TSPAN1: variants seen among roughly 807,000 people sequenced by gnomAD.
TSPAN1 encodes the protein tetraspanin-1.
TSPAN1 carries 23 observed loss-of-function variants against 26.9 expected under a neutral mutation model. The observed-to-expected ratio is 0.85, with a 90% CI of 0.62 to 1.21. The LOEUF (loss-of-function observed/expected upper bound fraction) is 1.21, where lower values mean the gene tolerates loss of function less well. TSPAN1 is among the 50% of genes most tolerant of loss of function. TSPAN1 has a pLI of 0.00. For synonymous variants in TSPAN1, 115 were observed against 114.8 expected, an observed-to-expected ratio of 1.00 and a Z score of -0.01; for missense variants, 283 against 298.4, an observed-to-expected ratio of 0.95 and a Z score of 0.38.
chr1:46,183,238 A>T (rs2148144648), intron 3 of TSPAN1, among the ~76,000 whole-genome samples: 1 of 152,292 alleles, frequency 6.6e-6, no homozygotes, highest in African/African-American at 2.4e-5. Context: ...TGTTACCCAG[A>T]CCTTGCCAGG....
the TSPAN1 span, chr1:46,192,418 C>T: frequency 1.4e-5 from 23 of 1,614,210 alleles, no homozygotes; most frequent in Non-Finnish European, 1.9e-5. Context: ...GCTGGGTCCT[C>T]AGCCGTGTGT....
intron 3 of TSPAN1, chr1:46,183,363 A>G (rs1419698933): frequency 1.3e-5 from 2 of 152,216 alleles, no homozygotes; most frequent in Non-Finnish European, 2.9e-5. Flanking sequence ...ACAATCTGCC[A>G]CCTCACTTCC....
intron 1 of TSPAN1, among the ~76,000 whole-genome samples, chr1:46,176,019 T>A (rs974355251): frequency 6.6e-6 from 1 of 152,088 alleles, no homozygotes; most frequent in South Asian, 2.1e-4. Context: ...ACTAAAGGCG[T>A]GTGCCACCAC....
At chr1:46,182,704 T>C (rs901787297) in intron 3 of TSPAN1, among the ~76,000 whole-genome samples, 1 of 152,122 alleles carries the variant, frequency 6.6e-6, no homozygotes, top group Non-Finnish European at 1.5e-5. Flanking sequence ...AGTTTATGTA[T>C]GTATTGATTA....
intron 1 of TSPAN1, among the ~76,000 whole-genome samples, chr1:46,178,018 A>G (rs909060418): frequency 1.3e-5 from 2 of 152,222 alleles, no homozygotes; most frequent in East Asian, 3.8e-4. Context: ...GCCAAGCACC[A>G]GGGCCATAGA....
At chr1:46,186,827 TAATTTTTTG>T (rs963853858), downstream of TSPAN1, among the ~76,000 whole-genome samples, 3 of 151,950 alleles carry the variant, frequency 2.0e-5, no homozygotes, top group Non-Finnish European at 2.9e-5. Context: ...CTCGCCCGGG[TAATTTTTTG>T]AATTTTTAGT....
rs542554576 is a variant in TSPAN1, at chr1:46,185,740, G to A, written c.*207G>A. 70 of 623,248 alleles carry A rather than the reference G, an allele frequency of 1.1e-4. No individual in the cohort carries two copies. Among genetic ancestry groups the A allele is most frequent in the Non-Finnish European group, 1.5e-4 (53 of 355,398 alleles). The allele number at this position is 623,248 out of a possible 1,614,324, so 38.6% of individuals were successfully genotyped here. On this transcript the variant is annotated 3_prime_UTR_variant, in exon 9 of 9. Coordinates refer to ENST00000372003, the MANE Select transcript of TSPAN1 (RefSeq NM_005727.4). ...CTTTCCTTCCATTGGTGGGTGGATGGGTGGGGGGCATTCCAGAGCCTCTAA... is the reference window on the plus strand; with the variant it reads ...CTTTCCTTCCATTGGTGGGTGGATGAGTGGGGGGCATTCCAGAGCCTCTAA...
intron 4 of TSPAN1, 72 bp from the exon 5 acceptor site, chr1:46,184,522 G>A (rs530889600): frequency 5.0e-6 from 8 of 1,605,708 alleles, no homozygotes; most frequent in Admixed American, 1.7e-5. Flanking sequence ...ACTTTTCCGG[G>A]GGGGGGATTA....
the TSPAN1 span, chr1:46,195,789 G>T: frequency 1.9e-6 from 3 of 1,562,510 alleles, no homozygotes; most frequent in South Asian, 3.5e-5. Flanking sequence ...GTAGGGGTCA[G>T]GGTCAGGACA....
At chr1:46,184,936 C>T (rs1328184407) in intron 6 of TSPAN1, 24 bp from the exon 7 acceptor site, 7 of 1,614,180 alleles carry the variant, frequency 4.3e-6, no homozygotes, top group Non-Finnish European at 3.4e-6. Context: ...CAAGGCCCCA[C>T]CTCCACCCTC....
chr1:46,185,010 C>T lies in TSPAN1; in HGVS notation c.489C>T (p.Tyr163=). The T allele has an allele frequency of 6.2e-7, 1 of 1,614,200 alleles. No homozygotes were observed. The highest frequency in any genetic ancestry group is 8.5e-7 in the Non-Finnish European group (1 of 1,180,046). ...TNYTDFEDSP[Y]FKENSAFPPF... is the part of the protein sequence containing the mutation. ...ATACGGATTTTGAGGACTCACCCTA[C>T]TTCAAAGAGAACAGTGCCTTTCCCC... Residue 163 remains tyrosine, a synonymous_variant, in exon 7 of 9, where the codon TAC becomes TAT. Transcript: ENST00000372003.
chr1:46,176,065 T>A (rs546064720), intron 1 of TSPAN1, among the ~76,000 whole-genome samples: 2 of 152,120 alleles, frequency 1.3e-5, no homozygotes, highest in Non-Finnish European at 2.9e-5. Flanking sequence ...TTAGTAGAGA[T>A]GGGATTTCAC....
chr1:46,176,895 G>A (rs1236723090), intron 1 of TSPAN1, among the ~76,000 whole-genome samples: 1 of 152,172 alleles, frequency 6.6e-6, no homozygotes, highest in African/African-American at 2.4e-5. Flanking sequence ...ATTATTCCCA[G>A]TAATGTTCTA....
intron 1 of TSPAN1, among the ~76,000 whole-genome samples, chr1:46,180,300 G>A (rs1019845072): frequency 2.0e-5 from 3 of 152,222 alleles, no homozygotes; most frequent in African/African-American, 7.2e-5. Context: ...AGGGCACGCA[G>A]ACATTCTGGG....
At chr1:46,189,695 T>TA, downstream of TSPAN1, 1 of 1,548,490 alleles carries the variant, frequency 6.5e-7, no homozygotes, top group Non-Finnish European at 8.7e-7. Context: ...TAGCATCTTT[T>TA]AGAATATGAA....
At position 46,181,197 on chromosome 1, in the gene TSPAN1, C is replaced by T. The variant is rs1334019924; in HGVS notation, c.57+33C>T. On this transcript the variant is annotated intron_variant, in intron 3 of 8. Transcript: ENST00000372003. ...CGGACATTGTGGACTCTTTGGGGCT[C>T]CCTATAGGAGCAGGTCACAAGCTGA... 5 of 1,599,836 alleles carry T rather than the reference C, an allele frequency of 3.1e-6. No individual in the cohort carries two copies. In the East Asian group the frequency reaches 9.0e-5, roughly 29 times the overall value.
chr1:46,193,131 T>A, the TSPAN1 span: 2 of 1,613,396 alleles, frequency 1.2e-6, no homozygotes, highest in Middle Eastern at 1.7e-4. Flanking sequence ...TATGCCCATG[T>A]TTCCCCCCTC....
At chr1:46,186,664 G>GTTTTT (rs759573351), downstream of TSPAN1, among the ~76,000 whole-genome samples, 3 of 71,828 alleles carry the variant, frequency 4.2e-5, no homozygotes, top group Non-Finnish European at 7.9e-5. Context: ...TAATTTTTGT[G>GTTTTT]TTTTTTTTTT....
intron 3 of TSPAN1, chr1:46,183,822 C>T (rs1657365082): frequency 2.8e-6 from 1 of 351,834 alleles, no homozygotes; most frequent in African/African-American, 2.1e-5. Context: ...CAGAGGTGTT[C>T]TAGGCACCCA....
Sources: gnomAD v4.1 joint callset for allele counts (sites outside exome capture counted in the v4.1 genomes callset) on GRCh38, gnomAD v4.1.1 for gene constraint, MANE v1.5 for transcripts, NCBI Gene and HGNC (gene_info 2026-07-23, HGNC 2026-07-21) for gene names.